Variants in AHNAK observed in about 807,000 individuals in gnomAD.
AHNAK encodes the protein AHNAK nucleoprotein.
Under a neutral mutation model 37.8 loss-of-function variants are expected in AHNAK, and 23 were observed. That is an observed-to-expected ratio of 0.61 (90% CI 0.44 to 0.86). AHNAK has a LOEUF of 0.86. AHNAK is among the 40% of genes least tolerant of loss of function. AHNAK has a pLI of 0.00. For missense variants in AHNAK, 7,411 were observed against 7,319.4 expected (o/e 1.01, Z -0.46); for synonymous variants, 2,481 against 2,636.3 (o/e 0.94, Z 1.80).
At position 62,526,612 on chromosome 11, in the gene AHNAK, G is replaced by A. The variant is rs1261540821; in HGVS notation, c.7805C>T (p.Pro2602Leu). ...GCCCTTGAGGTCACCTTCCACTTTG[G>A]GCAGAGAAACATCCACATCGCCCTT... ...KVKGDVDVSL[P>L]KVEGDLKGPE... The change falls in exon 5 of 5, where the codon CCC becomes CTC. Residue 2602 changes from proline (P) to leucine (L), a missense_variant. Physicochemically the swap from Pro to Leu is moderately conservative, Grantham distance 98. Transcript: ENST00000378024. The A allele has an allele frequency of 5.6e-6, 9 of 1,613,212 alleles. No homozygotes were observed. Among genetic ancestry groups the A allele is most frequent in the Non-Finnish European group, 8.5e-7 (1 of 1,179,882 alleles).
chr11:62,486,585 C>G (rs1939401777), intron 5 of AHNAK, among the ~76,000 whole-genome samples: 2 of 151,666 alleles, frequency 1.3e-5, no homozygotes, highest in Admixed American at 6.6e-5. Flanking sequence ...TTGCCGGGGG[C>G]TGGAGAATTA....
At chr11:62,495,632 G>T (rs1939593635) in intron 4 of AHNAK, among the ~76,000 whole-genome samples, 1 of 151,674 alleles carries the variant, frequency 6.6e-6, no homozygotes, top group Non-Finnish European at 1.5e-5. Context: ...CCAGCTACTT[G>T]GGAAGCTGAG....
Position 62,521,789 on chromosome 11 carries a change from C to A in AHNAK, c.12628G>T (p.Val4210Leu), listed in dbSNP as rs142718314. The change falls in exon 5 of 5, where the codon GTG (valine) becomes TTG (leucine). Residue 4210 changes from valine to leucine, a missense_variant. By Grantham distance (32) the Val-to-Leu change is conservative. Coordinates refer to ENST00000378024, the MANE Select transcript of AHNAK (RefSeq NM_001620.3). Reference sequence around the variant, plus strand: ...TCAAGGTCAGCCTTGGGCAGGTTCACATCCACATCTGGGCCCTCTCCTTTG... The same window carrying A: ...TCAAGGTCAGCCTTGGGCAGGTTCAAATCCACATCTGGGCCCTCTCCTTTG... ...GFKGEGPDVDVNLPKADLDVS... is the reference protein window; with the variant it reads ...GFKGEGPDVDLNLPKADLDVS... The A allele has an allele frequency of 2.2e-4, 363 of 1,613,754 alleles. No homozygotes were observed. Among genetic ancestry groups the A allele is most frequent in the Admixed American group, 2.7e-4 (16 of 59,962 alleles).
intron 5 of AHNAK, among the ~76,000 whole-genome samples, chr11:62,471,592 G>A (rs373533519): frequency 7.9e-5 from 12 of 152,352 alleles, no homozygotes; most frequent in African/African-American, 2.9e-4. Context: ...ACTCAAAAAA[G>A]TTTGGGTTTT....
chr11:62,521,238 G>A lies in AHNAK; in HGVS notation c.13179C>T (p.Asn4393=), dbSNP rs1300382539. ...PKISMPDIDF[N]LKGPKVKGDV... is the part of the protein sequence containing the mutation. ...CACCTTTCACTTTGGGACCCTTCAA[G>A]TTAAAGTCAATGTCAGGCATGGAGA... Residue 4393 remains asparagine, a synonymous_variant, in exon 5 of 5, where the codon AAC becomes AAT. Transcript: ENST00000378024. 1.9e-6 allele frequency: 3 copies of A among 1,613,622 alleles called. No homozygotes were observed. In the African/African-American group the frequency reaches 4.0e-5, roughly 22 times the overall value.
At chr11:62,503,645 T>C (rs1348162509) in intron 4 of AHNAK, among the ~76,000 whole-genome samples, 1 of 152,124 alleles carries the variant, frequency 6.6e-6, no homozygotes, top group East Asian at 1.9e-4. Flanking sequence ...GTGGCCTTTT[T>C]ACCTGGGTTG....
intron 5 of AHNAK, among the ~76,000 whole-genome samples, chr11:62,475,377 G>A (rs1480228390): frequency 6.6e-6 from 1 of 152,126 alleles, no homozygotes; most frequent in Admixed American, 6.6e-5. Flanking sequence ...CGTGGATGGA[G>A]GTGGAGGCCA....
chr11:62,433,768 G>A (rs1938098242), exon 6 of AHNAK: 1 of 1,425,596 alleles, frequency 7.0e-7, no homozygotes, highest in Admixed American at 1.8e-5. Context: ...TCCTTTAACT[G>A]CAGGTGTTTG....
rs1940061264 is a variant in AHNAK, at chr11:62,517,496, T to A, written c.16921A>T (p.Ser5641Cys). 6.2e-7 allele frequency: 1 copy of A among 1,614,022 alleles called. No homozygotes were observed. The highest frequency in any genetic ancestry group is 1.3e-5 in the African/African-American group (1 of 74,910). ...GQIGLQAPGL[S>C]VSGPQGHLES... The stretch of plus-strand genomic sequence containing the variant: ...AAGTGACCTTGAGGCCCAGACACAC[T>A]CAGCCCAGGAGCCTGGAGTCCAATC... The change falls in exon 5 of 5, where the codon AGT becomes TGT. Residue 5641 changes from serine to cysteine, a missense_variant. Physicochemically the swap from Ser to Cys is moderately radical, Grantham distance 112. Coordinates refer to ENST00000378024, the MANE Select transcript of AHNAK (RefSeq NM_001620.3).
intron 5 of AHNAK, among the ~76,000 whole-genome samples, chr11:62,484,292 A>G (rs1417760179): frequency 1.3e-5 from 2 of 152,096 alleles, no homozygotes; most frequent in Non-Finnish European, 2.9e-5. Context: ...AGGCTGAGGC[A>G]GGAGGATCAC....
rs745938546 is a variant in AHNAK, at chr11:62,525,962, TC to T, written c.8454del (p.Trp2818Ter). ...DVNIEGPEGK[W>X]KSPKFKMPEM... ...TCTGGCATCTTAAACTTTGGACTTT[TC>T]CACTTTCCTTCAGGTCCTTCGATAT... On this transcript the variant is annotated frameshift_variant, in exon 5 of 5. Coordinates refer to ENST00000378024, the MANE Select transcript of AHNAK (RefSeq NM_001620.3). LOFTEE classifies it low-confidence loss of function (END_TRUNC). The T allele has an allele frequency of 6.2e-7, 1 of 1,613,994 alleles. No individual in the cohort carries two copies. Among genetic ancestry groups the T allele is most frequent in the African/African-American group, 1.3e-5 (1 of 74,892 alleles).
At chr11:62,537,376 C>T (rs1940983711) in intron 1 of AHNAK, 2 of 152,342 alleles carry the variant, frequency 1.3e-5, no homozygotes, top group Non-Finnish European at 2.9e-5. Flanking sequence ...CCTGCCTCAC[C>T]CACCCAAGTA....
chr11:62,531,921 T>C lies in AHNAK; in HGVS notation c.2496A>G (p.Val832=). The change falls in exon 5 of 5, where the codon GTA becomes GTG. Residue 832 remains valine, a synonymous_variant. Transcript: ENST00000378024. ...DVDLHLKGPN[V]KGEYDVTMPK... is the part of the protein sequence containing the mutation. Reference sequence around the variant, plus strand: ...GCATTGTGACATCATATTCTCCCTTTACGTTAGGGCCTTTCAGATGTAAGT... The same window carrying C: ...GCATTGTGACATCATATTCTCCCTTCACGTTAGGGCCTTTCAGATGTAAGT... 6.2e-7 allele frequency: 1 copy of C among 1,613,606 alleles called. No individual in the cohort carries two copies. Among genetic ancestry groups the C allele is most frequent in the South Asian group, 1.1e-5 (1 of 91,060 alleles).
chr11:62,495,094 G>A (rs1020820257), intron 4 of AHNAK, among the ~76,000 whole-genome samples: 3 of 151,888 alleles, frequency 2.0e-5, no homozygotes. Context: ...TGATCTCAGG[G>A]AAGTCAAGGC....
At chr11:62,472,117 A>C (rs1410817171) in intron 5 of AHNAK, among the ~76,000 whole-genome samples, 1 of 151,978 alleles carries the variant, frequency 6.6e-6, no homozygotes, top group African/African-American at 2.4e-5. Flanking sequence ...CCCTGTGCCC[A>C]CAGGCCCCCT....
intron 5 of AHNAK, among the ~76,000 whole-genome samples, chr11:62,443,366 G>A (rs1271766615): frequency 6.9e-5 from 10 of 143,912 alleles, no homozygotes; most frequent in African/African-American, 2.6e-4. Flanking sequence ...TCCGCCTCCA[G>A]GGTTCAAGCG....
intron 5 of AHNAK, among the ~76,000 whole-genome samples, chr11:62,442,645 C>A (rs1272425837): frequency 1.3e-5 from 2 of 151,974 alleles, no homozygotes; most frequent in African/African-American, 4.8e-5. Flanking sequence ...CCAAGGCAGG[C>A]GGATCACCTG....
intron 5 of AHNAK, among the ~76,000 whole-genome samples, chr11:62,483,032 T>A (rs1344250922): frequency 3.3e-5 from 5 of 152,114 alleles, no homozygotes; most frequent in Non-Finnish European, 7.4e-5. Context: ...AGGACAATCA[T>A]TTGAACGACA....
At chr11:62,507,508 G>A (rs1193630756) in intron 4 of AHNAK, among the ~76,000 whole-genome samples, 1 of 152,172 alleles carries the variant, frequency 6.6e-6, no homozygotes, top group South Asian at 2.1e-4. Flanking sequence ...TTAAAAAACA[G>A]GGCTGGGGAT....
Sources: gnomAD v4.1 joint callset for allele counts (sites outside exome capture counted in the v4.1 genomes callset) on GRCh38, gnomAD v4.1.1 for gene constraint, MANE v1.5 for transcripts, NCBI Gene and HGNC (gene_info 2026-07-23, HGNC 2026-07-21) for gene names.